NPSR1: variants seen among roughly 807,000 people sequenced by gnomAD.
NPSR1 encodes neuropeptide S receptor 1, also known as neuropeptide S receptor.
In NPSR1, 48 loss-of-function variants were observed where a neutral mutation model predicts 46.9. The observed-to-expected ratio is 1.02, with a 90% confidence interval of 0.81 to 1.30. NPSR1 has a LOEUF of 1.30. Ranked by LOEUF, NPSR1 falls within the 50% of genes most tolerant of loss-of-function variation. The pLI is 0.00. For synonymous variants in NPSR1, 176 were observed against 168.1 expected, an observed-to-expected ratio of 1.05 and a Z score of -0.36; for missense variants, 450 against 449.5, an observed-to-expected ratio of 1.00 and a Z score of -0.01.
intron 1 of NPSR1, among the ~76,000 whole-genome samples, chr7:34,667,746 C>G (rs139791892): frequency 0.013 from 2,033 of 152,180 alleles, 22 homozygotes; most frequent in Middle Eastern, 0.034. Flanking sequence ...CTCTCACAAG[C>G]CTCTCTTTTC....
At chr7:34,790,883 A>T (rs913482087) in intron 3 of NPSR1, among the ~76,000 whole-genome samples, 13 of 125,096 alleles carry the variant, frequency 1.0e-4, no homozygotes, top group Admixed American at 8.3e-4. Context: ...ATGTTATATT[A>T]TATATCATAT....
chr7:34,826,667 T>C (rs1021068073), intron 4 of NPSR1, among the ~76,000 whole-genome samples: 2 of 152,192 alleles, frequency 1.3e-5, no homozygotes, highest in African/African-American at 2.4e-5. Context: ...TCCAGCCCCA[T>C]CATAACCAGC....
At chr7:34,720,105 C>T (rs890726140) in intron 2 of NPSR1, among the ~76,000 whole-genome samples, 1 of 151,954 alleles carries the variant, frequency 6.6e-6, no homozygotes, top group Non-Finnish European at 1.5e-5. Context: ...CATGGTGAAG[C>T]CCTATCTCTA....
intron 8 of NPSR1, among the ~76,000 whole-genome samples, chr7:34,858,634 A>G (rs1791110470): frequency 6.6e-6 from 1 of 151,904 alleles, no homozygotes; most frequent in African/African-American, 2.4e-5. Context: ...GGGAGGTTTC[A>G]CAATCATGGC....
At chr7:34,799,269 A>G (rs923730741) in intron 3 of NPSR1, among the ~76,000 whole-genome samples, 1 of 152,122 alleles carries the variant, frequency 6.6e-6, no homozygotes, top group Non-Finnish European at 1.5e-5. Context: ...TTAAAAATTT[A>G]ATTAAAATCA....
chr7:34,671,343 A>G (rs1314535760), intron 1 of NPSR1, among the ~76,000 whole-genome samples: 2 of 152,188 alleles, frequency 1.3e-5, no homozygotes, highest in Non-Finnish European at 2.9e-5. Flanking sequence ...TTCTAGAGTG[A>G]GCACATATTA....
chr7:34,688,518 C>G (rs546356277), intron 2 of NPSR1, among the ~76,000 whole-genome samples: 3 of 152,192 alleles, frequency 2.0e-5, no homozygotes, highest in Non-Finnish European at 4.4e-5. Context: ...ACAAAGAACT[C>G]CCTTTCCACA....
At chr7:34,694,976 G>C (rs527844547) in intron 2 of NPSR1, among the ~76,000 whole-genome samples, 1 of 152,216 alleles carries the variant, frequency 6.6e-6, no homozygotes, top group South Asian at 2.1e-4. Flanking sequence ...TCAAAGTGCT[G>C]GGATTACAGG....
intron 2 of NPSR1, among the ~76,000 whole-genome samples, chr7:34,689,372 A>G (rs780202108): frequency 1.3e-5 from 2 of 152,060 alleles, no homozygotes; most frequent in African/African-American, 4.8e-5. Context: ...TTGGGAGGCC[A>G]AGGCGGGCAG....
intron 8 of NPSR1, among the ~76,000 whole-genome samples, chr7:34,873,702 G>A (rs1791510612): frequency 6.6e-6 from 1 of 151,612 alleles, no homozygotes; most frequent in Admixed American, 6.6e-5. Context: ...CTCCTACCAG[G>A]CCACCACCTC....
intron 2 of NPSR1, among the ~76,000 whole-genome samples, chr7:34,715,567 A>G (rs77642957): frequency 0.053 from 8,020 of 152,298 alleles, 261 homozygotes; most frequent in South Asian, 0.091. Flanking sequence ...TGAAGGGACT[A>G]TGTCACTCCC....
intron 6 of NPSR1, 90 bp downstream of exon 6, chr7:34,834,550 T>C (rs909743828): frequency 2.3e-5 from 20 of 877,318 alleles, no homozygotes; most frequent in Middle Eastern, 2.2e-4. Context: ...GACTCCTTGA[T>C]ACACAAGCAT....
intron 2 of NPSR1, among the ~76,000 whole-genome samples, chr7:34,767,221 CTGATAT>C (rs1767485772): frequency 6.6e-6 from 1 of 152,166 alleles, no homozygotes; most frequent in Non-Finnish European, 1.5e-5. Context: ...CATCATTATA[CTGATAT>C]TGACCAGGTA....
intron 2 of NPSR1, among the ~76,000 whole-genome samples, chr7:34,749,747 C>T (rs747714788): frequency 1.3e-5 from 2 of 152,194 alleles, no homozygotes; most frequent in Non-Finnish European, 2.9e-5. Context: ...AGTTCAATTT[C>T]GTATCCTTAG....
chr7:34,676,014 A>G (rs1453817428), intron 1 of NPSR1, among the ~76,000 whole-genome samples: 1 of 152,146 alleles, frequency 6.6e-6, no homozygotes, highest in African/African-American at 2.4e-5. Flanking sequence ...CACCATCAGC[A>G]CAGTGTGGTG....
intron 8 of NPSR1, among the ~76,000 whole-genome samples, chr7:34,862,168 C>A (rs1409740496): frequency 1.3e-5 from 2 of 151,680 alleles, no homozygotes; most frequent in Non-Finnish European, 2.9e-5. Context: ...CATTGACTTC[C>A]TGTCTGCCAA....
At chr7:34,686,893 A>T (rs567576753) in intron 2 of NPSR1, among the ~76,000 whole-genome samples, 2 of 150,750 alleles carry the variant, frequency 1.3e-5, no homozygotes, top group South Asian at 2.1e-4. Flanking sequence ...TTCAGCTGAC[A>T]TCAGAAATGT....
At chr7:34,802,115 A>T (rs1788449629) in intron 3 of NPSR1, among the ~76,000 whole-genome samples, 1 of 150,426 alleles carries the variant, frequency 6.6e-6, no homozygotes, top group South Asian at 2.1e-4. Flanking sequence ...AGGAAGAATC[A>T]ATATCGTGAA....
intron 1 of NPSR1, among the ~76,000 whole-genome samples, chr7:34,669,788 C>T (rs1163632597): frequency 6.6e-6 from 1 of 152,108 alleles, no homozygotes; most frequent in Non-Finnish European, 1.5e-5. Context: ...GTAAAGTGAC[C>T]TTCCCAAGGT....
Sources: allele counts gnomAD v4.1 joint callset (sites outside exome capture counted in the v4.1 genomes callset), GRCh38; gene constraint gnomAD v4.1.1; transcripts MANE v1.5; gene names NCBI Gene and HGNC (gene_info 2026-07-23, HGNC 2026-07-21).